RTN4IP1: variants seen among roughly 807,000 people sequenced by gnomAD.
The protein encoded by RTN4IP1 is reticulon 4 interacting protein 1.
In RTN4IP1, 32 loss-of-function variants were observed where a neutral mutation model predicts 46.6. The observed-to-expected ratio is 0.69, with a 90% CI of 0.52 to 0.92. The LOEUF is 0.92. Among genes scored for constraint, RTN4IP1 ranks in the 40% least tolerant of loss-of-function variants. The probability of loss-of-function intolerance (pLI) is 0.00; values close to 1 mark genes in which losing one functional copy is unlikely to be tolerated. For synonymous variants in RTN4IP1, 167 were observed against 161.8 expected (o/e 1.03, Z -0.24); for missense variants, 424 against 485.8 (o/e 0.87, Z 1.20).
intron 5 of RTN4IP1, 50 bp downstream of exon 5, chr6:106,602,824 A>C: frequency 7.8e-7 from 1 of 1,288,988 alleles, no homozygotes; most frequent in Middle Eastern, 1.9e-4. Context: ...TAATTTATAA[A>C]TTCATGCAAA....
chr6:106,587,574 AC>A, intron 7 of RTN4IP1, 104 bp downstream of exon 7: 1 of 1,017,826 alleles, frequency 9.8e-7, no homozygotes, highest in Non-Finnish European at 1.5e-6. Flanking sequence ...GCTTGCAACC[AC>A]CGTGCTATGC....
At chr6:106,583,646 G>T (rs1421934421) in intron 7 of RTN4IP1, 2 of 435,366 alleles carry the variant, frequency 4.6e-6, no homozygotes, top group Non-Finnish European at 8.6e-6. Context: ...TGTCACTCAG[G>T]CTCCTTCTCT....
Position 106,572,025 on chromosome 6 carries a change from G to C in RTN4IP1, c.1162C>G (p.Arg388Gly). The stretch of plus-strand genomic sequence containing the variant: ...ACAACATTAATTACAGTCTTTCCTC[G>C]TGCGTGTCCTCTTTCCACCTTCAGG... ...AFLKVERGHA[R>G]GKTVINVV The change falls in exon 9 of 9, where the codon CGA (arginine) becomes GGA (glycine). Residue 388 changes from arginine to glycine, a missense_variant. By Grantham distance (125) the Arg-to-Gly change is moderately radical. Transcript: ENST00000369063. 6.2e-7 allele frequency: 1 copy of C among 1,612,930 alleles called. No homozygotes were observed. The highest frequency in any genetic ancestry group is 8.5e-7 in the Non-Finnish European group (1 of 1,179,028).
intron 8 of RTN4IP1, among the ~76,000 whole-genome samples, chr6:106,579,937 G>A (rs900266951): frequency 3.9e-5 from 6 of 151,946 alleles, no homozygotes; most frequent in East Asian, 3.9e-4. Flanking sequence ...AGTTTAGGCC[G>A]GGCGCAGTGG....
At chr6:106,589,193 A>AG (rs1562136357) in intron 6 of RTN4IP1, among the ~76,000 whole-genome samples, 31 of 2,716 alleles carry the variant, frequency 0.011, 2 homozygotes, top group East Asian at 0.042. Flanking sequence ...AGGAGGGAGG[A>AG]GGAGGAGGGA....
At chr6:106,587,987 C>T in intron 6 of RTN4IP1, 125 bp from the exon 7 acceptor site, 1 of 754,980 alleles carries the variant, frequency 1.3e-6, no homozygotes, top group Non-Finnish European at 2.1e-6. Context: ...CTGTGCTGCA[C>T]CTCGCCATCC....
intron 8 of RTN4IP1, among the ~76,000 whole-genome samples, chr6:106,579,377 CT>C (rs1398121590): frequency 2.0e-5 from 3 of 152,132 alleles, no homozygotes; most frequent in African/African-American, 7.2e-5. Flanking sequence ...AAAATTCAAA[CT>C]GAAATTGTGC....
At chr6:106,578,459 A>G (rs897728644) in intron 8 of RTN4IP1, among the ~76,000 whole-genome samples, 5 of 152,242 alleles carry the variant, frequency 3.3e-5, no homozygotes, top group Admixed American at 1.3e-4. Context: ...AATTTTTGCT[A>G]TATCTCCTCC....
chr6:106,582,797 C>T (rs12526141), intron 8 of RTN4IP1, among the ~76,000 whole-genome samples: 36,612 of 151,866 alleles, frequency 0.24, 4,821 homozygotes, highest in East Asian at 0.33. Context: ...TAAGCAACAG[C>T]CCCTTTCCCA....
chr6:106,592,768 A>G (rs914155309), intron 5 of RTN4IP1, among the ~76,000 whole-genome samples: 7 of 152,148 alleles, frequency 4.6e-5, no homozygotes, highest in Non-Finnish European at 8.8e-5. Context: ...TACTAAAAAT[A>G]TAAAAAATTA....
At chr6:106,608,977 C>T (rs1776154856) in intron 4 of RTN4IP1, among the ~76,000 whole-genome samples, 1 of 152,186 alleles carries the variant, frequency 6.6e-6, no homozygotes, top group African/African-American at 2.4e-5. Context: ...TCCTCTGAGA[C>T]TCTGTTCCCC....
intron 5 of RTN4IP1, among the ~76,000 whole-genome samples, chr6:106,595,420 C>T (rs1027636822): frequency 1.3e-5 from 2 of 152,126 alleles, no homozygotes; most frequent in South Asian, 4.1e-4. Flanking sequence ...GCTTAATACC[C>T]ATATCTGCTT....
intron 4 of RTN4IP1, among the ~76,000 whole-genome samples, chr6:106,618,373 T>C (rs1374409911): frequency 2.6e-5 from 4 of 152,202 alleles, no homozygotes; most frequent in African/African-American, 9.7e-5. Flanking sequence ...TATCTAGTTT[T>C]CTCAACAAAA....
chr6:106,605,830 A>C (rs1430202303), intron 4 of RTN4IP1, among the ~76,000 whole-genome samples: 10 of 149,526 alleles, frequency 6.7e-5, no homozygotes, highest in East Asian at 2.0e-4. Flanking sequence ...AAAAAAAAAA[A>C]AAAAAAAAAA....
chr6:106,629,260 C>T lies in RTN4IP1; in HGVS notation c.-239G>A. On this transcript the variant is annotated 5_prime_UTR_variant, in exon 1 of 9. Coordinates refer to ENST00000369063, the MANE Select transcript of RTN4IP1 (RefSeq NM_032730.5). ...ATTAACGTTCCAGTCAGTATTCTGT[C>T]CATTCTCCTCCCTCACTTTCACCCC... is the stretch of plus-strand genomic sequence containing the variant. The T allele has an allele frequency of 3.5e-6, 2 of 569,330 alleles. No homozygotes were observed. The highest frequency in any genetic ancestry group is 6.2e-6 in the Non-Finnish European group (2 of 322,022). 35.3% of individuals were successfully genotyped at this position (569,330 alleles called of 1,614,324 possible). A position where few individuals can be genotyped will look rare whatever the true frequency, so the allele number is the denominator to read the frequency against.
intron 1 of RTN4IP1, among the ~76,000 whole-genome samples, chr6:106,628,162 T>C (rs1275185495): frequency 1.3e-5 from 2 of 151,794 alleles, no homozygotes; most frequent in Admixed American, 1.3e-4. Flanking sequence ...CAAAGTTCCC[T>C]GGACAGAAAT....
intron 8 of RTN4IP1, among the ~76,000 whole-genome samples, chr6:106,580,011 G>A (rs765359572): frequency 2.0e-5 from 3 of 151,542 alleles, no homozygotes; most frequent in Non-Finnish European, 4.4e-5. Context: ...TCAGGAAATC[G>A]AAACCATCCT....
rs193121821 is a variant in RTN4IP1 at position 106,628,768 on chromosome 6, G to A, written c.254C>T (p.Pro85Leu). The change falls in exon 1 of 9, where the codon CCT becomes CTT. Residue 85 changes from proline to leucine, a missense_variant. Transcript: ENST00000369063. ...CTTACTTCTCATATTAACGTCTATA[G>A]GATTTACACTGGCAGCGTGAACTTT... ...IVKVHAASVN[P>L]IDVNMRSGYG... is the part of the protein sequence containing the mutation. The A allele has an allele frequency of 2.5e-5, 40 of 1,613,472 alleles. No homozygotes were observed. The Admixed American group carries it at 5.0e-4, about 20-fold the overall frequency.
At position 106,602,875 on chromosome 6, in the gene RTN4IP1, T is replaced by A. The variant is rs768560241; in HGVS notation, c.668A>T (p.Gln223Leu). ...ASGGVGTFAI[Q>L]VMKAWDAHVT... Reference sequence around the variant, plus strand: ...CACAAGATTAAAAAATGGTTTTACCTGTATAGCAAAAGTACCAACTCCGCC... The same window carrying A: ...CACAAGATTAAAAAATGGTTTTACCAGTATAGCAAAAGTACCAACTCCGCC... The change falls in exon 5 of 9, where the codon CAG (glutamine) becomes CTG (leucine). Residue 223 changes from glutamine (Q) to leucine (L), a missense_variant and splice_region_variant. Coordinates refer to ENST00000369063, the MANE Select transcript of RTN4IP1 (RefSeq NM_032730.5). The A allele has an allele frequency of 6.3e-7, 1 of 1,598,132 alleles. No homozygotes were observed. The highest frequency in any genetic ancestry group is 8.5e-7 in the Non-Finnish European group (1 of 1,173,722).
Sources: gnomAD v4.1 joint callset for allele counts (sites outside exome capture counted in the v4.1 genomes callset) on GRCh38, gnomAD v4.1.1 for gene constraint, MANE v1.5 for transcripts, NCBI Gene and HGNC (gene_info 2026-07-23, HGNC 2026-07-21) for gene names.